ABCB11: variants seen among roughly 807,000 people sequenced by gnomAD.
The protein encoded by ABCB11 is bile salt export pump.
ABCB11 carries 95 observed loss-of-function variants against 148.0 expected under a neutral mutation model. The ratio of observed to expected loss-of-function variants is 0.64; its 90% CI spans 0.54 to 0.76. The LOEUF (loss-of-function observed/expected upper bound fraction) is 0.76, where lower values mean the gene tolerates loss of function less well. Among genes scored for constraint, ABCB11 ranks in the 30% least tolerant of loss-of-function variants. ABCB11 has a pLI of 0.00. For missense variants in ABCB11, 1,523 were observed against 1,617.8 expected (o/e 0.94, Z 1.01); for synonymous variants, 591 against 555.4 (o/e 1.06, Z -0.90).
At chr2:168,994,776 T>C (rs1360509919) in intron 7 of ABCB11, among the ~76,000 whole-genome samples, 1 of 151,996 alleles carries the variant, frequency 6.6e-6, no homozygotes, top group Non-Finnish European at 1.5e-5. Flanking sequence ...GAAGAGAGCT[T>C]GGAACTAAAC....
downstream of ABCB11, among the ~76,000 whole-genome samples, chr2:168,916,130 C>T (rs13400268): frequency 0.018 from 2,675 of 152,294 alleles, 84 homozygotes; most frequent in African/African-American, 0.061. Flanking sequence ...TACTTTGATT[C>T]TATACTTGAG....
At chr2:168,951,223 G>C (rs1692553639) in intron 19 of ABCB11, among the ~76,000 whole-genome samples, 1 of 151,538 alleles carries the variant, frequency 6.6e-6, no homozygotes, top group African/African-American at 2.4e-5. Flanking sequence ...GGATTGCTTT[G>C]GCTATTAGGG....
chr2:168,973,861 C>T (rs531928500), intron 12 of ABCB11, 21 bp from the exon 13 acceptor site: 1 of 1,608,610 alleles, frequency 6.2e-7, no homozygotes, highest in South Asian at 1.1e-5. Flanking sequence ...AAGAAAACAG[C>T]AAAGTTCAGA....
chr2:168,949,384 T>C (rs1391367195), intron 19 of ABCB11, among the ~76,000 whole-genome samples: 1 of 151,630 alleles, frequency 6.6e-6, no homozygotes, highest in Non-Finnish European at 1.5e-5. Flanking sequence ...CTTTAGTGTC[T>C]ATTATTCCAC....
At position 168,990,303 on chromosome 2, in the gene ABCB11, A is replaced by G. The variant is rs533094862; in HGVS notation, c.908+498T>C. On this transcript the variant is annotated intron_variant, in intron 9 of 27. Transcript: ENST00000650372. Reference sequence around the variant, plus strand: ...CCTTACTCATTATTGGTATGTTCAGATTTATTTCTCTTTATTTCTCCGTGA... The same window carrying G: ...CCTTACTCATTATTGGTATGTTCAGGTTTATTTCTCTTTATTTCTCCGTGA... Among the ~76,000 whole-genome samples the G allele has an allele frequency of 7.9e-5, 12 of 151,964 alleles. No homozygotes were observed. The South Asian group carries it at 2.3e-3, about 29-fold the overall frequency.
chr2:168,920,606 C>T (rs974229456), downstream of ABCB11, among the ~76,000 whole-genome samples: 1 of 151,330 alleles, frequency 6.6e-6, no homozygotes, highest in African/African-American at 2.4e-5. Context: ...CTGGTCACAA[C>T]ACACATTATG....
Position 168,921,820 on chromosome 2 carries a change from G to A in ABCB11, c.*1802C>T, listed in dbSNP as rs771072483. On this transcript the variant is annotated 3_prime_UTR_variant, in exon 28 of 28. Coordinates refer to ENST00000650372, the MANE Select transcript of ABCB11 (RefSeq NM_003742.4). ...TAATACGGCTGGAAAATTTTCTTAG[G>A]ATTCCAAGGACGGAGTCCTTGACCT... Among the ~76,000 whole-genome samples the A allele has an allele frequency of 2.0e-5, 3 of 149,520 alleles. No homozygotes were observed. Among genetic ancestry groups the A allele is most frequent in the Non-Finnish European group, 4.5e-5 (3 of 67,410 alleles).
chr2:168,932,352 G>T lies in ABCB11; in HGVS notation c.3213+25C>A, dbSNP rs144317070. On this transcript the variant is annotated intron_variant, in intron 24 of 27. Coordinates refer to ENST00000650372, the MANE Select transcript of ABCB11 (RefSeq NM_003742.4). ...AGGACATGAACTCATCCTTTTTTAT[G>T]GCTGCATAGTATTCCAACACTTACC... 359 of 1,539,532 alleles carry T rather than the reference G, an allele frequency of 2.3e-4. 1 individual carries two copies. The East Asian group carries it at 8.1e-3, about 35-fold the overall frequency.
At chr2:169,029,060 C>T (rs1050802733) in intron 1 of ABCB11, among the ~76,000 whole-genome samples, 7 of 151,964 alleles carry the variant, frequency 4.6e-5, no homozygotes, top group African/African-American at 1.2e-4. Context: ...GGAGAGCACC[C>T]GCCCCCACCA....
At chr2:168,987,056 C>T (rs925894671) in intron 9 of ABCB11, among the ~76,000 whole-genome samples, 4 of 152,058 alleles carry the variant, frequency 2.6e-5, no homozygotes, top group African/African-American at 9.7e-5. Context: ...AAGATAATGT[C>T]TTTCATGGTG....
At position 168,921,328 on chromosome 2, in the gene ABCB11, G is replaced by A. The variant is rs187732166; in HGVS notation, c.*2294C>T. Among the ~76,000 whole-genome samples, 1 of 152,224 alleles carries A rather than the reference G, an allele frequency of 6.6e-6. No homozygotes were observed. Among genetic ancestry groups the A allele is most frequent in the Non-Finnish European group, 1.5e-5 (1 of 68,014 alleles). ...CCTAGTGTCCTGGCTTAATTTATAG[G>A]CAGAATTTCGTTTGTTGGCTAAGGG... On this transcript the variant is annotated 3_prime_UTR_variant, in exon 28 of 28. Transcript: ENST00000650372.
intron 19 of ABCB11, among the ~76,000 whole-genome samples, chr2:168,947,000 C>A (rs765598011): frequency 6.6e-6 from 1 of 151,802 alleles, no homozygotes; most frequent in African/African-American, 2.4e-5. Flanking sequence ...TTTGTATATT[C>A]TTATTGTTGA....
At chr2:168,999,092 T>C (rs1335821185) in intron 5 of ABCB11, among the ~76,000 whole-genome samples, 1 of 152,046 alleles carries the variant, frequency 6.6e-6, no homozygotes, top group Non-Finnish European at 1.5e-5. Context: ...GAATGGCATT[T>C]TTTTAACAGC....
In ABCB11 at chr2:168,976,676, A is replaced by T. The variant is rs374115690; in HGVS notation, c.1209T>A (p.Ile403=). 9.9e-6 allele frequency: 16 copies of T among 1,608,468 alleles called. No individual in the cohort carries two copies. The highest frequency in any genetic ancestry group is 1.4e-5 in the Non-Finnish European group (16 of 1,175,538). ...TGTAACCATCTTCTGACATGCAGTCAATGATGGGTTTCTGGAGTGAAATAC... is the reference window on the plus strand; with the variant it reads ...TGTAACCATCTTCTGACATGCAGTCTATGATGGGTTTCTGGAGTGAAATAC... ...IFETIDRKPI[I]DCMSEDGYKL... Residue 403 remains isoleucine (I), a synonymous_variant, in exon 12 of 28, where the codon ATT becomes ATA. Coordinates refer to ENST00000650372, the MANE Select transcript of ABCB11 (RefSeq NM_003742.4).
At chr2:168,927,034 G>T in intron 26 of ABCB11, 122 bp downstream of exon 26, 1 of 1,010,850 alleles carries the variant, frequency 9.9e-7, no homozygotes, top group Non-Finnish European at 1.4e-6. Context: ...AAAAATTTTT[G>T]AATTTTGGAA....
At chr2:169,028,314 C>A (rs1194888456) in intron 1 of ABCB11, among the ~76,000 whole-genome samples, 1 of 151,832 alleles carries the variant, frequency 6.6e-6, no homozygotes, top group Non-Finnish European at 1.5e-5. Context: ...AGGCGTCAAG[C>A]AGGATGGCAG....
chr2:168,974,833 C>A (rs1693745612), intron 12 of ABCB11, among the ~76,000 whole-genome samples: 1 of 151,404 alleles, frequency 6.6e-6, no homozygotes, highest in Non-Finnish European at 1.5e-5. Flanking sequence ...TCATAGCTTA[C>A]AAAGCACCTT....
chr2:168,950,031 C>A (rs1318878629), intron 19 of ABCB11, among the ~76,000 whole-genome samples: 2 of 151,134 alleles, frequency 1.3e-5, no homozygotes, highest in African/African-American at 4.9e-5. Context: ...GCCCCTCAAG[C>A]TTGCAGACAG....
intron 2 of ABCB11, 80 bp downstream of exon 2, chr2:169,017,970 C>T (rs1278508379): frequency 8.0e-7 from 1 of 1,250,898 alleles, no homozygotes; most frequent in Admixed American, 1.7e-5. Flanking sequence ...TTTTCTGCTC[C>T]TTGAAACTTG....
Sources: allele counts gnomAD v4.1 joint callset (sites outside exome capture counted in the v4.1 genomes callset), GRCh38; gene constraint gnomAD v4.1.1; transcripts MANE v1.5; gene names NCBI Gene and HGNC (gene_info 2026-07-23, HGNC 2026-07-21).